APOH: variants seen among roughly 807,000 people sequenced by gnomAD.
APOH encodes apolipoprotein H.
Under a neutral mutation model 39.8 loss-of-function variants are expected in APOH, and 48 were observed. That is an observed-to-expected ratio of 1.21 (90% CI 0.96 to 1.54). The LOEUF (loss-of-function observed/expected upper bound fraction) is 1.54, where lower values mean the gene tolerates loss of function less well. Among genes scored for constraint, APOH ranks in the 40% most tolerant of loss-of-function variants. The probability of loss-of-function intolerance (pLI) is 0.00; values close to 1 mark genes in which losing one functional copy is unlikely to be tolerated. For synonymous variants in APOH, 153 were observed against 151.1 expected, an observed-to-expected ratio of 1.01 and a Z score of -0.09; for missense variants, 415 against 421.2, an observed-to-expected ratio of 0.99 and a Z score of 0.13.
At chr17:66,224,470 T>TAAAAAAAAAAA (rs760150264) in intron 3 of APOH, among the ~76,000 whole-genome samples, 28 of 43,006 alleles carry the variant, frequency 6.5e-4, no homozygotes, top group East Asian at 1.7e-3. Context: ...GAAGATCCTG[T>TAAAAAAAAAAA]AAAAAAAAAA....
rs555880414 is a variant in APOH, at chr17:66,220,188, C to T, written c.604+366G>A. ...ACCCAGAAGAGAACTTCACCAGCCTCGCTGAAATGTCCAGCTGTCCATGGA... is the reference window on the plus strand; with the variant it reads ...ACCCAGAAGAGAACTTCACCAGCCTTGCTGAAATGTCCAGCTGTCCATGGA... On this transcript the variant is annotated intron_variant, in intron 5 of 7. Coordinates refer to ENST00000205948, the MANE Select transcript of APOH (RefSeq NM_000042.3). Among the ~76,000 whole-genome samples the T allele has an allele frequency of 1.4e-4, 21 of 152,324 alleles. No individual in the cohort carries two copies. The East Asian group carries it at 3.5e-3, about 25-fold the overall frequency.
intron 1 of APOH, 137 bp from the exon 2 acceptor site, chr17:66,228,333 A>G: frequency 1.2e-6 from 1 of 820,708 alleles, no homozygotes; most frequent in East Asian, 2.6e-5. Context: ...CCTCATATAC[A>G]CTATCTCATC....
At chr17:66,219,575 C>T (rs1346554283) in intron 5 of APOH, among the ~76,000 whole-genome samples, 3 of 152,144 alleles carry the variant, frequency 2.0e-5, no homozygotes, top group South Asian at 2.1e-4. Context: ...TGTTTTGAAT[C>T]GTTCACTGGA....
At chr17:66,225,790 T>A (rs1464599114) in intron 3 of APOH, among the ~76,000 whole-genome samples, 6 of 151,342 alleles carry the variant, frequency 4.0e-5, no homozygotes. Flanking sequence ...GGCAGGAGAA[T>A]GGTGTGAACC....
chr17:66,220,891 C>G (rs934408118), intron 4 of APOH, 149 bp from the exon 5 acceptor site: 1 of 842,008 alleles, frequency 1.2e-6, no homozygotes, highest in Non-Finnish European at 1.8e-6. Context: ...ATTGTGGATG[C>G]CTAATAGGAA....
chr17:66,227,947 G>C, intron 2 of APOH, 73 bp downstream of exon 2: 2 of 1,503,310 alleles, frequency 1.3e-6, no homozygotes, highest in Non-Finnish European at 1.8e-6. Context: ...TGAGCATGAC[G>C]AGGTAGCTTA....
At chr17:66,216,733 G>T in intron 6 of APOH, 55 bp downstream of exon 6, 1 of 1,465,334 alleles carries the variant, frequency 6.8e-7, no homozygotes, top group Non-Finnish European at 9.1e-7. Flanking sequence ...GCAAGTAAAG[G>T]TGATCCACTG....
chr17:66,218,904 G>A (rs2073381256), intron 5 of APOH, among the ~76,000 whole-genome samples: 1 of 152,054 alleles, frequency 6.6e-6, no homozygotes, highest in East Asian at 1.9e-4. Flanking sequence ...CAGCTACTTG[G>A]GAGGCTGAGG....
At chr17:66,215,949 T>C (rs1324867109) in intron 6 of APOH, among the ~76,000 whole-genome samples, 1 of 152,104 alleles carries the variant, frequency 6.6e-6, no homozygotes, top group Admixed American at 6.5e-5. Flanking sequence ...CATGATCGAC[T>C]TGCCTGTTGC....
At chr17:66,214,681 T>G (rs1392059046) in intron 6 of APOH, 31 bp from the exon 7 acceptor site, 1 of 1,568,834 alleles carries the variant, frequency 6.4e-7, no homozygotes, top group Non-Finnish European at 8.7e-7. Flanking sequence ...AATCAGGACT[T>G]AAGAGTTCAG....
At chr17:66,220,999 C>T (rs575147193) in intron 4 of APOH, among the ~76,000 whole-genome samples, 41 of 152,028 alleles carry the variant, frequency 2.7e-4, no homozygotes, top group African/African-American at 8.7e-4. Flanking sequence ...TTCAGACCAG[C>T]CTGGTCAACA....
intron 2 of APOH, 55 bp downstream of exon 2, chr17:66,227,964 CA>C: frequency 6.4e-7 from 1 of 1,562,234 alleles, no homozygotes; most frequent in Non-Finnish European, 8.7e-7. Context: ...CTTATTCCTC[CA>C]AAATACCCAG....
rs1233203452 is a variant in APOH, at chr17:66,228,121, A to T, written c.140T>A (p.Ile47Asn). ...ATAGCCCGGCTTGCAGGAATACGTA[A>T]TCTCTTCTCCTGGCTCATAGAATGT... ...LKTFYEPGEE[I>N]TYSCKPGYVS... The change falls in exon 2 of 8, where the codon ATT becomes AAT. Residue 47 changes from isoleucine (I) to asparagine (N), a missense_variant. By Grantham distance (149) the Ile-to-Asn change is moderately radical. Transcript: ENST00000205948. 6.2e-7 allele frequency: 1 copy of T among 1,614,004 alleles called. No homozygotes were observed. The highest frequency in any genetic ancestry group is 8.5e-7 in the Non-Finnish European group (1 of 1,180,022).
Position 66,212,076 on chromosome 17 carries a change from G to T in APOH, c.*57C>A, listed in dbSNP as rs572178041. The T allele has an allele frequency of 4.0e-5, 58 of 1,438,770 alleles. No individual in the cohort carries two copies. In the African/African-American group the frequency reaches 5.6e-4, roughly 14 times the overall value. The allele number at this position is 1,438,770 out of a possible 1,614,324, so 89.1% of individuals were successfully genotyped here. Reference sequence around the variant, plus strand: ...AGCTTTATTTTTAAATTTCAATTAGGTTCCTTGGATGAACAAGAAACAAGT... The same window carrying T: ...AGCTTTATTTTTAAATTTCAATTAGTTTCCTTGGATGAACAAGAAACAAGT... On this transcript the variant is annotated 3_prime_UTR_variant, in exon 8 of 8. Transcript: ENST00000205948.
At chr17:66,225,450 A>G (rs1377325160) in intron 3 of APOH, among the ~76,000 whole-genome samples, 1 of 152,218 alleles carries the variant, frequency 6.6e-6, no homozygotes, top group Non-Finnish European at 1.5e-5. Flanking sequence ...CAGGTTGGTC[A>G]ATCAAATTAG....
At chr17:66,217,176 T>G (rs2073370631) in intron 5 of APOH, among the ~76,000 whole-genome samples, 1 of 152,232 alleles carries the variant, frequency 6.6e-6, no homozygotes, top group Admixed American at 6.5e-5. Flanking sequence ...CAACCACACT[T>G]TGAAAGTAAA....
At chr17:66,221,215 G>GAAATAAAT (rs756081043) in intron 4 of APOH, among the ~76,000 whole-genome samples, 1 of 130,164 alleles carries the variant, frequency 7.7e-6, no homozygotes, top group African/African-American at 2.9e-5. Context: ...AAGAAGGAAG[G>GAAATAAAT]AAATAAATAA....
intron 7 of APOH, among the ~76,000 whole-genome samples, chr17:66,213,249 G>A (rs1312762037): frequency 1.3e-5 from 2 of 152,182 alleles, no homozygotes; most frequent in African/African-American, 2.4e-5. Context: ...CTTACTTTCT[G>A]GCATCAGAGA....
chr17:66,223,498 G>A (rs189922471), intron 4 of APOH, among the ~76,000 whole-genome samples, 200 bp downstream of exon 4: 12 of 152,316 alleles, frequency 7.9e-5, no homozygotes, highest in Non-Finnish European at 1.0e-4. Flanking sequence ...GAATGTGTCC[G>A]TGAGTAAAAT....
Sources: gnomAD v4.1 joint callset for allele counts (sites outside exome capture counted in the v4.1 genomes callset) on GRCh38, gnomAD v4.1.1 for gene constraint, MANE v1.5 for transcripts, NCBI Gene and HGNC (gene_info 2026-07-23, HGNC 2026-07-21) for gene names.